Variants in TPRN observed in about 807,000 individuals in gnomAD.
TPRN encodes chromosome 9 open reading frame 75.
Under a neutral mutation model 42.6 loss-of-function variants are expected in TPRN, and 32 were observed. The observed-to-expected ratio is 0.75, with a 90% confidence interval of 0.57 to 1.01. The LOEUF is 1.01. Ranked by LOEUF, TPRN falls within the 50% of genes least tolerant of loss-of-function variation. TPRN has a pLI of 0.00. For synonymous variants in TPRN, 541 were observed against 445.6 expected (o/e 1.21, Z -2.70); for missense variants, 1,095 against 957.5 (o/e 1.14, Z -1.90).
chr9:137,199,314 G>T lies in TPRN; in HGVS notation c.1398C>A (p.Ala466=). 6.2e-7 allele frequency: 1 copy of T among 1,612,504 alleles called. No individual in the cohort carries two copies. Among genetic ancestry groups the T allele is most frequent in the Non-Finnish European group, 8.5e-7 (1 of 1,179,976 alleles). The change falls in exon 1 of 4, where the codon GCC becomes GCA. Residue 466 remains alanine (A), a synonymous_variant. Transcript: ENST00000409012. ...GGTAGGGTAGTTTGGCTGCTTGGGG[G>T]GCCTCCTCCGAGTCTACCTCATCGA... ...TFIDEVDSEE[A]PQAAKLPYLP... is the part of the protein sequence containing the mutation.
rs1834784026 is a variant in TPRN, at chr9:137,200,220, G to A, written c.492C>T (p.Pro164=). The change falls in exon 1 of 4, where the codon CCC becomes CCT. Residue 164 remains proline (P), a synonymous_variant. Transcript: ENST00000409012. This position sits in a 1 kb window ranked among gnomAD's most constrained non-coding sequence, Gnocchi z 4.3. The stretch of plus-strand genomic sequence containing the variant: ...CCGCGGGCGGGGGCCGGGGCGGCGC[G>A]GGCGGCGGCGGCGGCGGCGGGGGGC... The part of the protein sequence containing the change: ...RARPPPPPPP[P]APPRPPPAAP... 1 of 948,892 alleles carries A rather than the reference G, an allele frequency of 1.1e-6. No individual in the cohort carries two copies. Among genetic ancestry groups the A allele is most frequent in the Non-Finnish European group, 1.2e-6 (1 of 801,642 alleles). The allele number at this position is 948,892 out of a possible 1,614,324, so 58.8% of individuals were successfully genotyped here. A position where few individuals can be genotyped will look rare whatever the true frequency, so the allele number is the denominator to read the frequency against.
At chr9:137,198,849 C>T in intron 1 of TPRN, 138 bp downstream of exon 1, 1 of 1,537,984 alleles carries the variant, frequency 6.5e-7, no homozygotes, top group Non-Finnish European at 8.7e-7. Context: ...CCACCCAGCC[C>T]CAGCTCGCCT....
Position 137,192,572 on chromosome 9 carries a change from T to TTCCTCCTCC in TPRN, c.1836_1844dup (p.Glu619_Glu621dup), listed in dbSNP as rs376810326. 51 of 1,608,426 alleles carry TTCCTCCTCC rather than the reference T, an allele frequency of 3.2e-5. No homozygotes were observed. In the East Asian group the frequency reaches 7.8e-4, roughly 25 times the overall value. ...CGGATCCCTCTTCCTCCTCTTCCTC[T>TTCCTCCTCC]TCCTCCTCCTCCTCCTCCTCCTCCT... On this transcript the variant is annotated inframe_insertion, in exon 2 of 4. Transcript: ENST00000409012.
At chr9:137,197,761 G>A (rs1834726839) in intron 1 of TPRN, among the ~76,000 whole-genome samples, 1 of 152,186 alleles carries the variant, frequency 6.6e-6, no homozygotes, top group South Asian at 2.1e-4. Context: ...GATGGGCTGG[G>A]GTGATGCTCG....
chr9:137,192,795 GC>G, intron 1 of TPRN, 104 bp from the exon 2 acceptor site: 2 of 1,274,128 alleles, frequency 1.6e-6, no homozygotes, highest in South Asian at 2.5e-5. Context: ...CAAGTGGGGC[GC>G]CAGACACACC....
rs1214137394 is a variant in TPRN at position 137,200,063 on chromosome 9, C to G, written c.649G>C (p.Gly217Arg). Residue 217 changes from glycine (G) to arginine (R), a missense_variant, in exon 1 of 4, where the codon GGC becomes CGC. Physicochemically the swap from Gly to Arg is moderately radical, Grantham distance 125. Coordinates refer to ENST00000409012, the MANE Select transcript of TPRN (RefSeq NM_001128228.3). This position sits in a 1 kb window ranked among gnomAD's most constrained non-coding sequence, Gnocchi z 4.3. Reference sequence around the variant, plus strand: ...TGCCCGTTGGAGAGCAGGCGGGCGCCCGCGCCGCGGTGCAGACCCCGGGGG... The same window carrying G: ...TGCCCGTTGGAGAGCAGGCGGGCGCGCGCGCCGCGGTGCAGACCCCGGGGG... ...VHPRGLHRGA[G>R]ARLLSNGHSA... The G allele has an allele frequency of 7.0e-6, 10 of 1,432,006 alleles. No homozygotes were observed. In the East Asian group the frequency reaches 2.6e-4, roughly 37 times the overall value. The allele number at this position is 1,432,006 out of a possible 1,614,324, so 88.7% of individuals were successfully genotyped here. A position where few individuals can be genotyped will look rare whatever the true frequency, so the allele number is the denominator to read the frequency against.
chr9:137,197,524 C>T (rs957741778), intron 1 of TPRN, among the ~76,000 whole-genome samples: 7 of 152,180 alleles, frequency 4.6e-5, no homozygotes. Context: ...GAAACAGAAA[C>T]CTGAACTCCG....
In TPRN at chr9:137,200,211, G is replaced by GGGCGGCGCGGGCGGCGGCGGC; in HGVS notation, c.480_500dup (p.Pro161_Pro167dup). ...GGCTGGGGGCCGCGGGCGGGGGCCG[G>GGGCGGCGCGGGCGGCGGCGGC]GGCGGCGCGGGCGGCGGCGGCGGCG... On this transcript the variant is annotated inframe_insertion, in exon 1 of 4. Transcript: ENST00000409012. The surrounding 1 kb of genome is among the most constrained non-coding windows in gnomAD (Gnocchi z 4.3). 2.1e-6 allele frequency: 2 copies of GGGCGGCGCGGGCGGCGGCGGC among 949,486 alleles called. No individual in the cohort carries two copies. Among genetic ancestry groups the GGGCGGCGCGGGCGGCGGCGGC allele is most frequent in the Middle Eastern group, 5.4e-4 (1 of 1,838 alleles). The allele number at this position is 949,486 out of a possible 1,614,324, so 58.8% of individuals were successfully genotyped here. A position where few individuals can be genotyped will look rare whatever the true frequency, so the allele number is the denominator to read the frequency against.
At chr9:137,197,952 G>T (rs971684052) in intron 1 of TPRN, among the ~76,000 whole-genome samples, 1 of 152,188 alleles carries the variant, frequency 6.6e-6, no homozygotes, top group African/African-American at 2.4e-5. Flanking sequence ...AGGGAGAGGC[G>T]CAATGCCAAG....
intron 1 of TPRN, 34 bp from the exon 2 acceptor site, chr9:137,192,725 G>A: frequency 6.2e-7 from 1 of 1,608,412 alleles, no homozygotes; most frequent in Non-Finnish European, 8.5e-7. Flanking sequence ...GAGGGCTGAG[G>A]GCCCACATGG....
chr9:137,196,107 G>A (rs1263272570), intron 1 of TPRN, among the ~76,000 whole-genome samples: 3 of 152,160 alleles, frequency 2.0e-5, no homozygotes, highest in South Asian at 2.1e-4. Context: ...GCCCCTCACC[G>A]ACTCCCACCA....
rs754469652 is a variant in TPRN, at chr9:137,199,487, G to C, written c.1225C>G (p.Arg409Gly). The C allele has an allele frequency of 5.7e-6, 9 of 1,588,676 alleles. No homozygotes were observed. Among genetic ancestry groups the C allele is most frequent in the South Asian group, 5.7e-5 (5 of 88,340 alleles). ...GACGGCCTCTGCCACCTAATAGCCC[G>C]GTCAGCGAGGGCGGTGGCTGTCCTG... ...CPRTATALAD[R>G]AIRWQRPSSP... Residue 409 changes from arginine to glycine, a missense_variant, in exon 1 of 4, where the codon CGG becomes GGG. Coordinates refer to ENST00000409012, the MANE Select transcript of TPRN (RefSeq NM_001128228.3).
chr9:137,198,793 C>T lies in TPRN; in HGVS notation c.1725+194G>A, dbSNP rs538201635. ...GCACACAGCAGGCCAGCTGTCCCCACGGCCCAAGTCAGGGGGCTCCACTGG... is the reference window on the plus strand; with the variant it reads ...GCACACAGCAGGCCAGCTGTCCCCATGGCCCAAGTCAGGGGGCTCCACTGG... On this transcript the variant is annotated intron_variant, in intron 1 of 3. Coordinates refer to ENST00000409012, the MANE Select transcript of TPRN (RefSeq NM_001128228.3). Among the ~76,000 whole-genome samples the T allele has an allele frequency of 2.6e-5, 4 of 152,384 alleles. No homozygotes were observed. The East Asian group carries it at 7.7e-4, about 29-fold the overall frequency.
Position 137,192,074 on chromosome 9 carries a change from C to T in TPRN, c.*38G>A. ...GCTACTGCCCAGCTTCCGGGACTCC[C>T]ACAGCTGGGCTCAGCCTTGGTCCTG... On this transcript the variant is annotated 3_prime_UTR_variant, in exon 4 of 4. Transcript: ENST00000409012. 1 of 1,608,222 alleles carries T rather than the reference C, an allele frequency of 6.2e-7. No homozygotes were observed.
In TPRN at chr9:137,199,066, A is replaced by C. The variant is rs1174419704; in HGVS notation, c.1646T>G (p.Val549Gly). The C allele has an allele frequency of 6.2e-7, 1 of 1,613,170 alleles. No individual in the cohort carries two copies. The highest frequency in any genetic ancestry group is 1.3e-5 in the African/African-American group (1 of 74,938). ...GPTLKKRYPT[V>G]HEIEVIGGYL... ...GCCGCCAATCACCTCGATCTCATGC[A>C]CGGTGGGGTAGCGCTTCTTCAACGT... Residue 549 changes from valine to glycine, a missense_variant, in exon 1 of 4, where the codon GTG (valine) becomes GGG (glycine). Val to Gly is a moderately radical substitution (Grantham distance 109). Transcript: ENST00000409012.
Position 137,199,883 on chromosome 9 carries a change from C to A in TPRN, c.829G>T (p.Ala277Ser). The A allele has an allele frequency of 1.4e-6, 2 of 1,409,250 alleles. No individual in the cohort carries two copies. Among genetic ancestry groups the A allele is most frequent in the Non-Finnish European group, 9.4e-7 (1 of 1,059,202 alleles). The allele number at this position is 1,409,250 out of a possible 1,614,324, so 87.3% of individuals were successfully genotyped here. The change falls in exon 1 of 4, where the codon GCC becomes TCC. Residue 277 changes from alanine (A) to serine (S), a missense_variant. By Grantham distance (99) the Ala-to-Ser change is moderately conservative. Transcript: ENST00000409012. Reference sequence around the variant, plus strand: ...TGGCGCTGGCTAGGAGTGGCACTGGCAGGGGGTGAGGCTGGAGTGGCACTC... The same window carrying A: ...TGGCGCTGGCTAGGAGTGGCACTGGAAGGGGGTGAGGCTGGAGTGGCACTC... ...TPSATPASPP[A>S]SATPSQRQCV...
intron 1 of TPRN, among the ~76,000 whole-genome samples, chr9:137,198,707 CACA>C (rs1363383092): frequency 6.6e-6 from 1 of 152,232 alleles, no homozygotes; most frequent in African/African-American, 2.4e-5. Context: ...CCAGATGAGC[CACA>C]ACAACTGGCA....
At chr9:137,192,209 C>A in intron 3 of TPRN, 35 bp from the exon 4 acceptor site, 1 of 1,613,380 alleles carries the variant, frequency 6.2e-7, no homozygotes, top group South Asian at 1.1e-5. Flanking sequence ...GACACATGGG[C>A]TCGCCCGGGT....
rs1194672737 is a variant in TPRN at position 137,200,081 on chromosome 9, C to G, written c.631G>C (p.Gly211Arg). 5.0e-6 allele frequency: 7 copies of G among 1,404,378 alleles called. No individual in the cohort carries two copies. In the Admixed American group the frequency reaches 2.2e-4, roughly 44 times the overall value. 87.0% of individuals were successfully genotyped at this position (1,404,378 alleles called of 1,614,324 possible). The change falls in exon 1 of 4, where the codon GGT (glycine) becomes CGT (arginine). Residue 211 changes from glycine to arginine, a missense_variant. By Grantham distance (125) the Gly-to-Arg change is moderately radical (BLOSUM62 -2). Transcript: ENST00000409012. The surrounding 1 kb of genome is among the most constrained non-coding windows in gnomAD (Gnocchi z 4.3). ...GSNSFTVHPRGLHRGAGARLL... is the reference protein window; with the variant it reads ...GSNSFTVHPRRLHRGAGARLL... The stretch of plus-strand genomic sequence containing the variant: ...CGGGCGCCCGCGCCGCGGTGCAGAC[C>G]CCGGGGGTGGACGGTGAAGGAGTTG...
Sources: allele counts gnomAD v4.1 joint callset (sites outside exome capture counted in the v4.1 genomes callset), GRCh38; gene constraint gnomAD v4.1.1; non-coding constraint Gnocchi (gnomAD v3.1); transcripts MANE v1.5; gene names NCBI Gene and HGNC (gene_info 2026-07-23, HGNC 2026-07-21).